Variants in MCM9 observed in about 807,000 individuals in gnomAD.
MCM9 encodes the protein DNA helicase MCM9.
In MCM9, 55 loss-of-function variants were observed where a neutral mutation model predicts 72.8. The observed-to-expected ratio is 0.76, with a 90% CI of 0.61 to 0.95. The LOEUF is 0.95. Ranked by LOEUF, MCM9 falls within the 40% of genes least tolerant of loss-of-function variation. The probability of loss-of-function intolerance (pLI) is 0.00; values close to 1 mark genes in which losing one functional copy is unlikely to be tolerated. For synonymous variants in MCM9, 480 were observed against 503.4 expected (o/e 0.95, Z 0.62); for missense variants, 1,279 against 1,377.0 (o/e 0.93, Z 1.13).
intron 8 of MCM9, among the ~76,000 whole-genome samples, chr6:118,897,375 G>A (rs1462343387): frequency 4.6e-5 from 7 of 152,082 alleles, no homozygotes; most frequent in Non-Finnish European, 7.3e-5. Flanking sequence ...CTGAGACCCT[G>A]GCTGGATGTG....
At chr6:118,828,967 T>C in intron 10 of MCM9, 81 bp downstream of exon 10, 2 of 1,380,194 alleles carry the variant, frequency 1.4e-6, no homozygotes, top group South Asian at 1.3e-5. Context: ...TGGGTATTTA[T>C]TTAATTTTCT....
At position 118,822,924 on chromosome 6, in the gene MCM9, G is replaced by A. The variant is rs35656330; in HGVS notation, c.1961+3223C>T. Among the ~76,000 whole-genome samples, 726 of 152,228 alleles carry A rather than the reference G, an allele frequency of 4.8e-3. 3 individuals are homozygous for A. The highest frequency in any genetic ancestry group is 8.9e-3 in the Non-Finnish European group (607 of 68,016). Reference sequence around the variant, plus strand: ...TCCTTAGCACTGTCAGAGGAAAACCGCCTACTCAAGCCTCAGTAACGGGGG... The same window carrying A: ...TCCTTAGCACTGTCAGAGGAAAACCACCTACTCAAGCCTCAGTAACGGGGG... On this transcript the variant is annotated intron_variant, in intron 13 of 13. Coordinates refer to ENST00000619706, the MANE Select transcript of MCM9 (RefSeq NM_017696.3).
intron 8 of MCM9, among the ~76,000 whole-genome samples, chr6:118,872,977 T>C (rs1308519265): frequency 6.6e-6 from 1 of 151,846 alleles, no homozygotes; most frequent in East Asian, 1.9e-4. Flanking sequence ...GAGACCAGCC[T>C]GAGCAACAAA....
intron 9 of MCM9, among the ~76,000 whole-genome samples, chr6:118,830,737 A>G (rs903787082): frequency 6.6e-6 from 1 of 152,256 alleles, no homozygotes; most frequent in Non-Finnish European, 1.5e-5. Flanking sequence ...TGCTAGGTCA[A>G]ATGAATTGTT....
intron 8 of MCM9, chr6:118,894,395 T>C: frequency 1.3e-6 from 2 of 1,536,502 alleles, no homozygotes; most frequent in Non-Finnish European, 1.7e-6. Context: ...GTTCCCATTG[T>C]TTGTGTTTTT....
In MCM9 at chr6:118,815,282, C is replaced by A; in HGVS notation, c.2974G>T (p.Glu992Ter). 1 of 1,550,654 alleles carries A rather than the reference C, an allele frequency of 6.4e-7. No homozygotes were observed. Among genetic ancestry groups the A allele is most frequent in the Non-Finnish European group, 8.7e-7 (1 of 1,146,956 alleles). Residue 992 changes from glutamate to a stop codon, truncating the protein, a stop_gained, in exon 14 of 14, where the codon GAG (glutamate) becomes TAG (stop). Transcript: ENST00000619706. LOFTEE classifies it low-confidence loss of function (END_TRUNC). ...TTCTCTGGTGGCTGCTGCGACACCT[C>A]CTTTGTCTCACCCTGTGGCTGACTG... ...ISSQPQGETK[E>*]VSQQPPEKHG...
In MCM9 at chr6:118,814,408, GTAGAAAAGAGTTCATCTGCCTTGT is replaced by G. The variant is rs1773282233; in HGVS notation, c.*392_*415del. ...GAAAATACAAAAAAAAAAAAAAAAA[GTAGAAAAGAGTTCATCTGCCTTGT>G]TAGATTTATGAGTGCTACCTTCTTG... is the stretch of plus-strand genomic sequence containing the variant. On this transcript the variant is annotated 3_prime_UTR_variant, in exon 14 of 14. Coordinates refer to ENST00000619706, the MANE Select transcript of MCM9 (RefSeq NM_017696.3). The G allele has an allele frequency of 6.9e-6, 1 of 144,852 alleles. No homozygotes were observed. Among genetic ancestry groups the G allele is most frequent in the Admixed American group, 6.9e-5 (1 of 14,498 alleles). The allele number at this position is 144,852 out of a possible 1,614,324, so 9.0% of individuals were successfully genotyped here.
rs1347877702 is a variant in MCM9, at chr6:118,847,572, G to GA, written c.1325+8798dup. 1.9e-4 allele frequency among the ~76,000 whole-genome samples: 28 copies of GA among 149,576 alleles called. 2 individuals are homozygous for GA. The highest frequency in any genetic ancestry group is 3.3e-4 in the Admixed American group (5 of 15,032). ...AATACAGATGAGCTAAGAAGTTTAA[G>GA]AAAAAAAAATGGTTGCTGCAGAGCC... On this transcript the variant is annotated intron_variant, in intron 9 of 13. Transcript: ENST00000619706.
chr6:118,926,893 A>C (rs1445212729), intron 3 of MCM9, among the ~76,000 whole-genome samples: 1 of 152,224 alleles, frequency 6.6e-6, no homozygotes, highest in Non-Finnish European at 1.5e-5. Flanking sequence ...TCTATTGTAC[A>C]TATACAGAAG....
At chr6:118,851,354 T>C (rs1160190497) in intron 9 of MCM9, among the ~76,000 whole-genome samples, 1 of 151,584 alleles carries the variant, frequency 6.6e-6, no homozygotes, top group East Asian at 1.9e-4. Context: ...CTTCACTAAA[T>C]TGATCAAGAA....
intron 8 of MCM9, among the ~76,000 whole-genome samples, chr6:118,896,814 G>C (rs963264356): frequency 6.8e-6 from 1 of 147,136 alleles, no homozygotes; most frequent in East Asian, 2.0e-4. Context: ...TAAAAATTCT[G>C]TTCTTAAAAT....
At chr6:118,838,326 CT>C (rs1439800501) in intron 9 of MCM9, among the ~76,000 whole-genome samples, 1 of 151,946 alleles carries the variant, frequency 6.6e-6, no homozygotes, top group African/African-American at 2.4e-5. Flanking sequence ...CCACGCCTGG[CT>C]TTTTTGTATC....
chr6:118,851,805 T>A (rs1221152137), intron 9 of MCM9, among the ~76,000 whole-genome samples: 2 of 152,180 alleles, frequency 1.3e-5, no homozygotes, highest in Non-Finnish European at 2.9e-5. Flanking sequence ...ACTATAATAA[T>A]ACACATTTTT....
chr6:118,924,774 C>T (rs1781740610), intron 3 of MCM9, among the ~76,000 whole-genome samples: 1 of 152,162 alleles, frequency 6.6e-6, no homozygotes, highest in Non-Finnish European at 1.5e-5. Context: ...AAAATTCTTA[C>T]TCAGGCTGGG....
chr6:118,831,879 G>A (rs1457840278), intron 9 of MCM9, among the ~76,000 whole-genome samples: 2 of 152,106 alleles, frequency 1.3e-5, no homozygotes, highest in Non-Finnish European at 2.9e-5. Context: ...TGAAGGGTAG[G>A]TGCTATTATC....
intron 8 of MCM9, among the ~76,000 whole-genome samples, chr6:118,889,119 T>C (rs1029221244): frequency 6.6e-6 from 1 of 152,222 alleles, no homozygotes; most frequent in Non-Finnish European, 1.5e-5. Flanking sequence ...AATATTACTG[T>C]GTAATCATAC....
chr6:118,889,555 T>C (rs1268504560), intron 8 of MCM9, among the ~76,000 whole-genome samples: 4 of 152,134 alleles, frequency 2.6e-5, no homozygotes, highest in Non-Finnish European at 5.9e-5. Context: ...ATGGAATATA[T>C]TATAAAACAT....
At chr6:118,834,232 T>C (rs954893320) in intron 9 of MCM9, among the ~76,000 whole-genome samples, 2 of 152,388 alleles carry the variant, frequency 1.3e-5, no homozygotes. Context: ...GGTATATATG[T>C]GCCACATTTT....
At chr6:118,879,726 T>C (rs926091088) in intron 8 of MCM9, among the ~76,000 whole-genome samples, 1 of 148,262 alleles carries the variant, frequency 6.7e-6, no homozygotes. Flanking sequence ...TGTTGGGACA[T>C]CAAATTAAAA....
Sources: allele counts gnomAD v4.1 joint callset (sites outside exome capture counted in the v4.1 genomes callset), GRCh38; gene constraint gnomAD v4.1.1; transcripts MANE v1.5; gene names NCBI Gene and HGNC (gene_info 2026-07-23, HGNC 2026-07-21).